The following RAB11FIP5 variants were observed in gnomAD, a reference collection of about 807,000 sequenced individuals.
RAB11FIP5 encodes the protein rab11 family-interacting protein 5.
In RAB11FIP5, 48 loss-of-function variants were observed where a neutral mutation model predicts 85.1. The observed-to-expected ratio is 0.56, with a 90% CI of 0.45 to 0.72. The LOEUF (loss-of-function observed/expected upper bound fraction) is 0.72. Among genes scored for constraint, RAB11FIP5 ranks in the 30% least tolerant of loss-of-function variants. The pLI, the probability that RAB11FIP5 is intolerant of heterozygous loss-of-function variation, is 0.00. For synonymous variants in RAB11FIP5, 729 were observed against 727.3 expected, an observed-to-expected ratio of 1.00 and a Z score of -0.04; for missense variants, 1,491 against 1,687.0, an observed-to-expected ratio of 0.88 and a Z score of 2.04.
At chr2:73,105,522 C>A (rs976931815) in intron 1 of RAB11FIP5, among the ~76,000 whole-genome samples, 1 of 151,980 alleles carries the variant, frequency 6.6e-6, no homozygotes, top group Non-Finnish European at 1.5e-5. Context: ...GGATTACAGG[C>A]ATGAGCCACC....
intron 4 of RAB11FIP5, among the ~76,000 whole-genome samples, chr2:73,077,394 A>G (rs1459029051): frequency 6.6e-6 from 1 of 152,156 alleles, no homozygotes; most frequent in Non-Finnish European, 1.5e-5. Flanking sequence ...CTCCAGGCCA[A>G]TGCTTAAACC....
At chr2:73,096,486 A>G (rs1384347486) in intron 1 of RAB11FIP5, among the ~76,000 whole-genome samples, 3 of 152,130 alleles carry the variant, frequency 2.0e-5, no homozygotes, top group African/African-American at 7.2e-5. Context: ...TATCAGTCTA[A>G]AATTCAGACC....
Position 73,075,836 on chromosome 2 carries a change from G to A in RAB11FIP5, c.3772-112C>T. ...AACACCTAAGTTTCACCACCACAGG[G>A]CCCCAGGCTGCCTGTCTCCAAAGTC... is the stretch of plus-strand genomic sequence containing the variant. On this transcript the variant is annotated intron_variant, in intron 5 of 5. Coordinates refer to ENST00000486777, the MANE Select transcript of RAB11FIP5 (RefSeq NM_001371272.1). The surrounding 1 kb of genome is among the most constrained non-coding windows in gnomAD (Gnocchi z 4.6). 2 of 1,448,714 alleles carry A rather than the reference G, an allele frequency of 1.4e-6. No homozygotes were observed. The highest frequency in any genetic ancestry group is 1.9e-6 in the Non-Finnish European group (2 of 1,062,558). The allele number at this position is 1,448,714 out of a possible 1,614,324, so 89.7% of individuals were successfully genotyped here.
intron 1 of RAB11FIP5, among the ~76,000 whole-genome samples, chr2:73,102,437 C>G (rs1020026780): frequency 2.6e-5 from 4 of 152,138 alleles, no homozygotes; most frequent in African/African-American, 9.7e-5. Flanking sequence ...AACTGGCACT[C>G]TGGTTTATAA....
chr2:73,083,830 C>G (rs1055362368), intron 3 of RAB11FIP5, among the ~76,000 whole-genome samples: 1 of 152,192 alleles, frequency 6.6e-6, no homozygotes, highest in Non-Finnish European at 1.5e-5. Flanking sequence ...GGACCCGGGC[C>G]CCCAGGAACA....
At chr2:73,092,652 G>A (rs1284743545) in intron 1 of RAB11FIP5, among the ~76,000 whole-genome samples, 1 of 152,074 alleles carries the variant, frequency 6.6e-6, no homozygotes, top group Non-Finnish European at 1.5e-5. Context: ...CCCTTCTCCT[G>A]TTCTGCCCAG....
At chr2:73,106,666 CTCT>C (rs1684533826) in intron 1 of RAB11FIP5, among the ~76,000 whole-genome samples, 1 of 152,242 alleles carries the variant, frequency 6.6e-6, no homozygotes, top group Non-Finnish European at 1.5e-5. Flanking sequence ...CAAATGCCAC[CTCT>C]TCTTTACCCC....
intron 1 of RAB11FIP5, among the ~76,000 whole-genome samples, chr2:73,097,674 C>T (rs898464583): frequency 6.6e-6 from 1 of 152,204 alleles, no homozygotes; most frequent in Admixed American, 6.5e-5. Flanking sequence ...AGAGGATCCC[C>T]ACCCCACCTG....
At position 73,075,843 on chromosome 2, in the gene RAB11FIP5, G is replaced by T; in HGVS notation, c.3772-119C>A. 1 of 1,453,140 alleles carries T rather than the reference G, an allele frequency of 6.9e-7. No homozygotes were observed. The highest frequency in any genetic ancestry group is 9.4e-7 in the Non-Finnish European group (1 of 1,067,182). 90.0% of individuals were successfully genotyped at this position (1,453,140 alleles called of 1,614,324 possible). On this transcript the variant is annotated intron_variant, in intron 5 of 5. Coordinates refer to ENST00000486777, the MANE Select transcript of RAB11FIP5 (RefSeq NM_001371272.1). The surrounding 1 kb of genome is among the most constrained non-coding windows in gnomAD (Gnocchi z 4.6). ...AAGTTTCACCACCACAGGGCCCCAGGCTGCCTGTCTCCAAAGTCAGAGCCT... is the reference window on the plus strand; with the variant it reads ...AAGTTTCACCACCACAGGGCCCCAGTCTGCCTGTCTCCAAAGTCAGAGCCT...
At chr2:73,096,775 G>A (rs967149712) in intron 1 of RAB11FIP5, among the ~76,000 whole-genome samples, 2 of 152,058 alleles carry the variant, frequency 1.3e-5, no homozygotes, top group East Asian at 1.9e-4. Flanking sequence ...AGCACGCCCC[G>A]CTCTCCCTCA....
intron 1 of RAB11FIP5, among the ~76,000 whole-genome samples, chr2:73,100,425 G>A (rs199897502): frequency 7.6e-6 from 1 of 131,114 alleles, no homozygotes; most frequent in Non-Finnish European, 1.6e-5. Flanking sequence ...TTTGGTTGTG[G>A]TTTTTTTTTT....
At position 73,089,486 on chromosome 2, in the gene RAB11FIP5, C is replaced by T. The variant is rs1031347211; in HGVS notation, c.432-171G>A. The T allele has an allele frequency of 1.3e-6, 1 of 741,250 alleles. No individual in the cohort carries two copies. The allele number at this position is 741,250 out of a possible 1,614,324, so 45.9% of individuals were successfully genotyped here. ...CTGGGCTTCCAGGCTTCAGATGCAG[C>T]TGAGAAACTATCCAAAACATTTCCA... is the stretch of plus-strand genomic sequence containing the variant. On this transcript the variant is annotated intron_variant, in intron 1 of 5. Transcript: ENST00000486777. The surrounding 1 kb of genome is among the most constrained non-coding windows in gnomAD (Gnocchi z 4.6).
chr2:73,107,705 C>A (rs1459857850), intron 1 of RAB11FIP5, among the ~76,000 whole-genome samples: 3 of 152,204 alleles, frequency 2.0e-5, no homozygotes, highest in African/African-American at 7.2e-5. Flanking sequence ...TAACTAAGGG[C>A]CGTGGAGCCT....
chr2:73,090,284 A>G (rs757877809), intron 1 of RAB11FIP5, among the ~76,000 whole-genome samples: 4 of 152,190 alleles, frequency 2.6e-5, no homozygotes, highest in Non-Finnish European at 4.4e-5. Context: ...TGGCCACCAC[A>G]CAGGGTGGCT....
rs1684126949 is a variant in RAB11FIP5, at chr2:73,088,171, G to C, written c.1447C>G (p.Leu483Val). The C allele has an allele frequency of 6.2e-7, 1 of 1,614,026 alleles. No individual in the cohort carries two copies. Among genetic ancestry groups the C allele is most frequent in the Non-Finnish European group, 8.5e-7 (1 of 1,180,032 alleles). Residue 483 changes from leucine (L) to valine (V), a missense_variant, in exon 3 of 6, where the codon CTG (leucine) becomes GTG (valine). This residue lies in a region of RAB11FIP5 where 1,211 missense variants were observed against 1,338.0 expected (regional missense o/e 0.91). Coordinates refer to ENST00000486777, the MANE Select transcript of RAB11FIP5 (RefSeq NM_001371272.1). ...AGGATGGGACCCCCCTTTTCCCCCA[G>C]AGAGCTTCGGCGACCCAACTCGCTC... ...SRSELGRRSS[L>V]GEKGGPILGA...
At position 73,075,528 on chromosome 2, in the gene RAB11FIP5, G is replaced by A. The variant is rs201350069; in HGVS notation, c.3968C>T (p.Pro1323Leu). 1.9e-5 allele frequency: 31 copies of A among 1,613,890 alleles called. No homozygotes were observed. The highest frequency in any genetic ancestry group is 2.5e-5 in the Non-Finnish European group (30 of 1,179,940). ...GGGGTAGGGTGAGGAAGGCTATTTGGGGGGGCCCGGGGGGATCTGCAGCAG... is the reference window on the plus strand; with the variant it reads ...GGGGTAGGGTGAGGAAGGCTATTTGAGGGGGCCCGGGGGGATCTGCAGCAG... ...PTLLQIPPGPPK is the reference protein window; with the variant it reads ...PTLLQIPPGPLK The change falls in exon 6 of 6, where the codon CCC (proline) becomes CTC (leucine). Residue 1323 changes from proline to leucine, a missense_variant. This residue lies in a region of RAB11FIP5 where 232 missense variants were observed against 259.1 expected (regional missense o/e 0.90). Coordinates refer to ENST00000486777, the MANE Select transcript of RAB11FIP5 (RefSeq NM_001371272.1). This position sits in a 1 kb window ranked among gnomAD's most constrained non-coding sequence, Gnocchi z 4.6.
At position 73,089,819 on chromosome 2, in the gene RAB11FIP5, C is replaced by T. The variant is rs541096774; in HGVS notation, c.432-504G>A. Among the ~76,000 whole-genome samples, 12 of 151,980 alleles carry T rather than the reference C, an allele frequency of 7.9e-5. No individual in the cohort carries two copies. The highest frequency in any genetic ancestry group is 2.9e-4 in the African/African-American group (12 of 41,454). ...CAGCCACCGTGAGCCCAGGAAAGAA[C>T]AGCTCACCCAGAGGCCCAGGGCCAG... On this transcript the variant is annotated intron_variant, in intron 1 of 5. Coordinates refer to ENST00000486777, the MANE Select transcript of RAB11FIP5 (RefSeq NM_001371272.1). This position sits in a 1 kb window ranked among gnomAD's most constrained non-coding sequence, Gnocchi z 4.6.
In RAB11FIP5 at chr2:73,074,695, TG is replaced by T. The variant is rs1683815802; in HGVS notation, c.*825del. ...TCTGGACAGGCAACAAGAATAGACATGGAGGCTTGATCCCCAAATCATAAGC... is the reference window on the plus strand; with the variant it reads ...TCTGGACAGGCAACAAGAATAGACATGAGGCTTGATCCCCAAATCATAAGC... On this transcript the variant is annotated 3_prime_UTR_variant, in exon 6 of 6. Coordinates refer to ENST00000486777, the MANE Select transcript of RAB11FIP5 (RefSeq NM_001371272.1). 1 of 160,240 alleles carries T rather than the reference TG, an allele frequency of 6.2e-6. No homozygotes were observed. Among genetic ancestry groups the T allele is most frequent in the African/African-American group, 2.4e-5 (1 of 41,526 alleles). 9.9% of individuals were successfully genotyped at this position (160,240 alleles called of 1,614,324 possible). A position where few individuals can be genotyped will look rare whatever the true frequency, so the allele number is the denominator to read the frequency against.
intron 1 of RAB11FIP5, among the ~76,000 whole-genome samples, chr2:73,100,547 T>G (rs1187455521): frequency 6.7e-6 from 1 of 149,476 alleles, no homozygotes; most frequent in Non-Finnish European, 1.5e-5. Context: ...TGCCTCAGCC[T>G]CCTGAGTAGC....
Sources: allele counts gnomAD v4.1 joint callset (sites outside exome capture counted in the v4.1 genomes callset), GRCh38; gene constraint gnomAD v4.1.1; regional missense constraint gnomAD v4.1.1; non-coding constraint Gnocchi (gnomAD v3.1); transcripts MANE v1.5; gene names NCBI Gene and HGNC (gene_info 2026-07-23, HGNC 2026-07-21).